DPP10: variants seen among roughly 807,000 people sequenced by gnomAD.
DPP10 encodes the protein inactive dipeptidyl peptidase 10.
A neutral mutation model predicts 120.9 loss-of-function variants in DPP10; 33 were observed. The ratio of observed to expected loss-of-function variants is 0.27; its 90% CI spans 0.21 to 0.37. DPP10 has a LOEUF of 0.37. Among genes scored for constraint, DPP10 ranks in the 10% least tolerant of loss-of-function variants. DPP10 has a pLI of 1.00. For missense variants in DPP10, 816 were observed against 942.8 expected, an observed-to-expected ratio of 0.87 and a Z score of 1.76; for synonymous variants, 337 against 326.1, an observed-to-expected ratio of 1.03 and a Z score of -0.36.
intron 3 of DPP10, among the ~76,000 whole-genome samples, chr2:115,454,432 C>T (rs1438072028): frequency 6.6e-6 from 1 of 151,480 alleles, no homozygotes; most frequent in East Asian, 1.9e-4. Context: ...GGTTTGTCAT[C>T]TAAAAGTCAA....
At chr2:115,541,671 A>G (rs2079177795) in intron 5 of DPP10, among the ~76,000 whole-genome samples, 1 of 151,900 alleles carries the variant, frequency 6.6e-6, no homozygotes, top group South Asian at 2.1e-4. Context: ...TGATCTTTTT[A>G]TGTTAAAATA....
At chr2:115,310,827 G>C (rs539568840) in intron 2 of DPP10, among the ~76,000 whole-genome samples, 27 of 152,274 alleles carry the variant, frequency 1.8e-4, no homozygotes, top group African/African-American at 6.0e-4. Flanking sequence ...TCTATTGATG[G>C]CTATTAGCCA....
intron 1 of DPP10, among the ~76,000 whole-genome samples, chr2:114,576,808 C>A (rs1426587109): frequency 6.6e-6 from 1 of 152,138 alleles, no homozygotes; most frequent in Non-Finnish European, 1.5e-5. Flanking sequence ...GTCTTTCCAA[C>A]AAAATTACTG....
chr2:115,535,795 GC>G (rs2078790552), intron 5 of DPP10, among the ~76,000 whole-genome samples: 1 of 151,990 alleles, frequency 6.6e-6, no homozygotes, highest in African/African-American at 2.4e-5. Flanking sequence ...TCCTTGAGCA[GC>G]GATTTGTAGT....
At chr2:114,676,310 A>C (rs1573944542) in intron 1 of DPP10, among the ~76,000 whole-genome samples, 1 of 152,160 alleles carries the variant, frequency 6.6e-6, no homozygotes, top group South Asian at 2.1e-4. Flanking sequence ...TTCAGTTTTT[A>C]CTTTTCATTT....
At chr2:115,595,748 G>A (rs992189427) in intron 5 of DPP10, among the ~76,000 whole-genome samples, 8 of 151,376 alleles carry the variant, frequency 5.3e-5, no homozygotes, top group East Asian at 1.9e-4. Flanking sequence ...TTCTATATCC[G>A]TTTAGTTTTA....
intron 1 of DPP10, among the ~76,000 whole-genome samples, chr2:115,178,702 A>G (rs1294111472): frequency 1.3e-5 from 2 of 152,232 alleles, no homozygotes; most frequent in African/African-American, 4.8e-5. Flanking sequence ...CTGGAATAAA[A>G]GTATTTGATA....
intron 1 of DPP10, among the ~76,000 whole-genome samples, chr2:114,885,325 C>T (rs1354546492): frequency 2.6e-5 from 4 of 152,180 alleles, no homozygotes; most frequent in East Asian, 3.9e-4. Context: ...CCACAACCCA[C>T]GAGGACAGCG....
Position 115,402,891 on chromosome 2 carries a change from G to GTA in DPP10, c.271+58989_271+58990dup, listed in dbSNP as rs369615095. Among the ~76,000 whole-genome samples, 31 of 124,632 alleles carry GTA rather than the reference G, an allele frequency of 2.5e-4. 1 individual carries two copies. The highest frequency in any genetic ancestry group is 9.1e-4 in the African/African-American group (30 of 32,846). The allele number at this position is 124,632 out of a possible 152,430, so 81.8% of individuals were successfully genotyped here. ...TATATATATATGTGTGTGTGTGTGTGTATATATATATGTATATATATGTGT... is the reference window on the plus strand; with the variant it reads ...TATATATATATGTGTGTGTGTGTGTGTATATATATATATGTATATATATGTGT... On this transcript the variant is annotated intron_variant, in intron 3 of 25. Transcript: ENST00000410059.
At chr2:114,929,571 G>T (rs1350903094) in intron 1 of DPP10, among the ~76,000 whole-genome samples, 2 of 152,194 alleles carry the variant, frequency 1.3e-5, no homozygotes, top group Non-Finnish European at 2.9e-5. Context: ...ATGTGACTCT[G>T]TTCTGCCTGG....
At chr2:115,189,245 C>G (rs2054688659) in intron 1 of DPP10, among the ~76,000 whole-genome samples, 1 of 152,148 alleles carries the variant, frequency 6.6e-6, no homozygotes, top group African/African-American at 2.4e-5. Context: ...ACCACACAGT[C>G]TAAGCTAATG....
At chr2:115,578,063 G>T (rs549271015) in intron 5 of DPP10, among the ~76,000 whole-genome samples, 32 of 152,102 alleles carry the variant, frequency 2.1e-4, no homozygotes, top group African/African-American at 7.5e-4. Context: ...CCTATTTCAC[G>T]TTCCTTTGAG....
intron 1 of DPP10, among the ~76,000 whole-genome samples, chr2:114,990,326 A>T (rs967747069): frequency 1.2e-4 from 19 of 152,168 alleles, no homozygotes; most frequent in Admixed American, 8.5e-4. Context: ...ATGGCATTCT[A>T]TTAAAATCCA....
intron 5 of DPP10, among the ~76,000 whole-genome samples, chr2:115,598,475 A>G (rs2083121312): frequency 6.6e-6 from 1 of 151,972 alleles, no homozygotes; most frequent in South Asian, 2.1e-4. Flanking sequence ...TGGCTGTTCT[A>G]TGGCTTACAA....
chr2:115,793,538 GTATTT>G (rs1217565620), intron 19 of DPP10, among the ~76,000 whole-genome samples: 2 of 151,806 alleles, frequency 1.3e-5, no homozygotes, highest in Non-Finnish European at 2.9e-5. Context: ...ATGGATAATA[GTATTT>G]TAAAGTATTT....
intron 1 of DPP10, among the ~76,000 whole-genome samples, chr2:115,084,010 G>A (rs1175292656): frequency 6.6e-6 from 1 of 152,134 alleles, no homozygotes. Context: ...TCTTTCAGGT[G>A]TCTTTGTATG....
intron 5 of DPP10, among the ~76,000 whole-genome samples, chr2:115,555,738 T>C (rs919453094): frequency 3.3e-5 from 5 of 152,140 alleles, no homozygotes; most frequent in African/African-American, 1.2e-4. Context: ...TATGTTCCTT[T>C]TTTCTATCTA....
chr2:114,958,351 A>C (rs1014818144), intron 1 of DPP10, among the ~76,000 whole-genome samples: 9 of 152,188 alleles, frequency 5.9e-5, no homozygotes, highest in South Asian at 2.1e-4. Context: ...GTCATGGTTC[A>C]GCCACAAGGA....
At position 114,978,474 on chromosome 2, in the gene DPP10, T is replaced by C. The variant is rs368305282; in HGVS notation, c.61-330765T>C. ...TAAAATTGTGCAATCACAGGGAAAG[T>C]AGTAGTTGGTGCAATATACTTGTCT... On this transcript the variant is annotated intron_variant, in intron 1 of 25. Transcript: ENST00000410059. Among the ~76,000 whole-genome samples, 7 of 152,196 alleles carry C rather than the reference T, an allele frequency of 4.6e-5. No homozygotes were observed. In the East Asian group the frequency reaches 1.2e-3, roughly 25 times the overall value.
Sources: gnomAD v4.1 joint callset for allele counts (sites outside exome capture counted in the v4.1 genomes callset) on GRCh38, gnomAD v4.1.1 for gene constraint, MANE v1.5 for transcripts, NCBI Gene and HGNC (gene_info 2026-07-23, HGNC 2026-07-21) for gene names.